CSMD3: variants seen among roughly 807,000 people sequenced by gnomAD.
CSMD3 encodes CUB and Sushi multiple domains 3, also known as CUB and sushi domain-containing protein 3.
In CSMD3, 177 loss-of-function variants were observed where a neutral mutation model predicts 435.2. That is an observed-to-expected ratio of 0.41 (90% CI 0.36 to 0.46). CSMD3 has a LOEUF of 0.46. Ranked by LOEUF, CSMD3 falls within the 20% of genes least tolerant of loss-of-function variation. The probability of loss-of-function intolerance (pLI) is 0.34; values close to 1 mark genes in which losing one functional copy is unlikely to be tolerated. For missense variants in CSMD3, 4,265 were observed against 4,504.6 expected (o/e 0.95, Z 1.52); for synonymous variants, 1,656 against 1,520.5 (o/e 1.09, Z -2.07).
chr8:112,746,880 C>A (rs1168098724), intron 13 of CSMD3, among the ~76,000 whole-genome samples: 3 of 152,078 alleles, frequency 2.0e-5, no homozygotes, highest in Admixed American at 2.0e-4. Context: ...GCTACCTCTT[C>A]ATGTTGTCAT....
chr8:112,299,271 T>C (rs549531823), intron 53 of CSMD3, among the ~76,000 whole-genome samples: 4 of 152,082 alleles, frequency 2.6e-5, no homozygotes, highest in African/African-American at 7.2e-5. Context: ...TATGTCTTTA[T>C]AGTGGTTTAG....
At chr8:113,290,361 C>A (rs1489668331) in intron 2 of CSMD3, among the ~76,000 whole-genome samples, 1 of 151,464 alleles carries the variant, frequency 6.6e-6, no homozygotes, top group African/African-American at 2.4e-5. Context: ...GTGTGGAGAA[C>A]CTTTTCAGAA....
chr8:113,201,215 A>G (rs1299834054), intron 3 of CSMD3, among the ~76,000 whole-genome samples: 1 of 152,012 alleles, frequency 6.6e-6, no homozygotes, highest in African/African-American at 2.4e-5. Flanking sequence ...TGGGTTTTGC[A>G]GATATTTATT....
intron 30 of CSMD3, among the ~76,000 whole-genome samples, chr8:112,493,645 C>A (rs975043215): frequency 1.3e-5 from 2 of 152,020 alleles, no homozygotes; most frequent in African/African-American, 2.4e-5. Context: ...AAAATAAAAT[C>A]CTTTCAGAGC....
intron 45 of CSMD3, among the ~76,000 whole-genome samples, chr8:112,321,157 G>A (rs1391675387): frequency 1.3e-5 from 2 of 151,880 alleles, no homozygotes; most frequent in African/African-American, 4.8e-5. Context: ...TAACATCTGA[G>A]GCAAATTGTT....
rs765068933 is a variant in CSMD3, at chr8:112,311,129, T to C, written c.7734A>G (p.Gly2578=). 1 of 1,613,962 alleles carries C rather than the reference T, an allele frequency of 6.2e-7. No individual in the cohort carries two copies. Among genetic ancestry groups the C allele is most frequent in the Non-Finnish European group, 8.5e-7 (1 of 1,179,972 alleles). ...YCSTPESPPH[G]YIISQTGGQL... is the part of the protein sequence containing the mutation. ...GCCCACCTGTCTGACTGATAATATA[T>C]CCATGAGGTGGGGATTCTGGTGTAC... The change falls in exon 50 of 71, where the codon GGA becomes GGG. Residue 2578 remains glycine (G), a synonymous_variant. Coordinates refer to ENST00000297405, the MANE Select transcript of CSMD3 (RefSeq NM_198123.2).
intron 6 of CSMD3, among the ~76,000 whole-genome samples, chr8:113,004,544 C>T (rs1483470163): frequency 6.6e-6 from 1 of 151,972 alleles, no homozygotes. Flanking sequence ...AAAAGATTCC[C>T]TGACCTTCTT....
intron 5 of CSMD3, 67 bp downstream of exon 5, chr8:113,098,689 G>T: frequency 1.9e-6 from 2 of 1,069,122 alleles, no homozygotes; most frequent in Non-Finnish European, 2.9e-6. Flanking sequence ...TCCACATTCA[G>T]TTGTTCTTTG....
intron 10 of CSMD3, among the ~76,000 whole-genome samples, chr8:112,885,229 C>T (rs1313994206): frequency 6.6e-6 from 1 of 151,438 alleles, no homozygotes. Flanking sequence ...ATTAAGATAC[C>T]AAACTGGGAG....
intron 13 of CSMD3, among the ~76,000 whole-genome samples, chr8:112,696,301 A>T (rs1250898455): frequency 1.3e-5 from 2 of 152,192 alleles, no homozygotes; most frequent in Non-Finnish European, 2.9e-5. Flanking sequence ...AGCTGGAGGC[A>T]TCATGCTACC....
intron 5 of CSMD3, among the ~76,000 whole-genome samples, chr8:113,042,203 C>T (rs1277315194): frequency 6.6e-6 from 1 of 152,124 alleles, no homozygotes; most frequent in Non-Finnish European, 1.5e-5. Flanking sequence ...GAACTTTGAG[C>T]TTGTCACTGG....
chr8:113,308,957 T>G (rs1161567631), intron 2 of CSMD3, among the ~76,000 whole-genome samples: 1 of 152,152 alleles, frequency 6.6e-6, no homozygotes, highest in Non-Finnish European at 1.5e-5. Flanking sequence ...TTTCTTTTGT[T>G]TTGTTTTTAG....
At chr8:113,048,344 C>T (rs555871706) in intron 5 of CSMD3, among the ~76,000 whole-genome samples, 6 of 152,198 alleles carry the variant, frequency 3.9e-5, no homozygotes, top group East Asian at 1.9e-4. Flanking sequence ...CCGCCCGCCT[C>T]GGCCTCCCAA....
In CSMD3 at chr8:112,916,708, T is replaced by C. The variant is rs1047468140; in HGVS notation, c.1633+4919A>G. The stretch of plus-strand genomic sequence containing the variant: ...TATGTTCTTGGGCAAAATTTTCTAA[T>C]TACCTTTGCATAACAGGAAGCCTAC... On this transcript the variant is annotated intron_variant, in intron 10 of 70. Transcript: ENST00000297405. 6.6e-5 allele frequency among the ~76,000 whole-genome samples: 10 copies of C among 152,044 alleles called. No homozygotes were observed. In the East Asian group the frequency reaches 1.6e-3, roughly 24 times the overall value.
At chr8:113,166,270 C>G (rs1054212694) in intron 4 of CSMD3, among the ~76,000 whole-genome samples, 2 of 152,002 alleles carry the variant, frequency 1.3e-5, no homozygotes, top group Admixed American at 6.6e-5. Flanking sequence ...TTTGGGAGGT[C>G]GAGGCAAATG....
chr8:113,160,566 G>A (rs1255237171), intron 4 of CSMD3, among the ~76,000 whole-genome samples: 2 of 151,844 alleles, frequency 1.3e-5, no homozygotes, highest in Non-Finnish European at 2.9e-5. Flanking sequence ...TTTGATAGTT[G>A]GTAGAATGTC....
intron 45 of CSMD3, among the ~76,000 whole-genome samples, chr8:112,325,233 A>G (rs1440412461): frequency 1.3e-5 from 2 of 152,162 alleles, no homozygotes; most frequent in Non-Finnish European, 2.9e-5. Flanking sequence ...TACTGCATCA[A>G]CAGAGCTCTT....
chr8:112,458,664 T>G (rs1383858117), intron 32 of CSMD3, among the ~76,000 whole-genome samples: 1 of 152,058 alleles, frequency 6.6e-6, no homozygotes, highest in Non-Finnish European at 1.5e-5. Flanking sequence ...CAAAAAGAGT[T>G]GGAAATTGGT....
intron 9 of CSMD3, among the ~76,000 whole-genome samples, chr8:112,943,115 C>T (rs1006540826): frequency 2.0e-5 from 3 of 151,508 alleles, no homozygotes; most frequent in Non-Finnish European, 4.4e-5. Context: ...TATTTGCTGT[C>T]TCATATATCT....
Sources: allele counts gnomAD v4.1 joint callset (sites outside exome capture counted in the v4.1 genomes callset), GRCh38; gene constraint gnomAD v4.1.1; transcripts MANE v1.5; gene names NCBI Gene and HGNC (gene_info 2026-07-23, HGNC 2026-07-21).